ERBB4: variants seen among roughly 807,000 people sequenced by gnomAD.
ERBB4 encodes erb-b2 receptor tyrosine kinase 4, also known as receptor tyrosine-protein kinase erbB-4.
Under a neutral mutation model 158.0 loss-of-function variants are expected in ERBB4, and 42 were observed. That is an observed-to-expected ratio of 0.27 (90% CI 0.21 to 0.34). ERBB4 has a LOEUF of 0.34. Ranked by LOEUF, ERBB4 falls within the 10% of genes least tolerant of loss-of-function variation. ERBB4 has a pLI of 1.00. For synonymous variants in ERBB4, 583 were observed against 558.7 expected, an observed-to-expected ratio of 1.04 and a Z score of -0.61; for missense variants, 1,333 against 1,624.1, an observed-to-expected ratio of 0.82 and a Z score of 3.08.
chr2:212,050,635 G>A (rs75661035), intron 2 of ERBB4, among the ~76,000 whole-genome samples: 5,634 of 152,040 alleles, frequency 0.037, 378 homozygotes, highest in African/African-American at 0.13. Flanking sequence ...AAAAGTAGTC[G>A]GGACTAATCC....
At chr2:211,687,155 G>C (rs1478642674) in intron 12 of ERBB4, among the ~76,000 whole-genome samples, 2 of 147,760 alleles carry the variant, frequency 1.4e-5, no homozygotes, top group Middle Eastern at 3.6e-3. Flanking sequence ...AGTACAAAAA[G>C]TTAGCCAGGC....
intron 2 of ERBB4, among the ~76,000 whole-genome samples, chr2:211,992,073 T>C (rs2082086591): frequency 1.3e-5 from 2 of 152,162 alleles, no homozygotes; most frequent in Non-Finnish European, 2.9e-5. Flanking sequence ...CCTCTGCCTG[T>C]TACCCAGTTC....
At chr2:211,794,640 T>C (rs969892076) in intron 3 of ERBB4, among the ~76,000 whole-genome samples, 13 of 151,922 alleles carry the variant, frequency 8.6e-5, no homozygotes, top group African/African-American at 3.1e-4. Context: ...ATTGAATACA[T>C]TTATTTTGAT....
At position 211,496,755 on chromosome 2, in the gene ERBB4, C is replaced by T. The variant is rs550735056; in HGVS notation, c.2487+65148G>A. On this transcript the variant is annotated intron_variant, in intron 20 of 27. Transcript: ENST00000342788. Reference sequence around the variant, plus strand: ...TTATCTTTGGTGAGCCTCCAATATGCCAGAAATATTTCTGCCTCAGGGCCT... The same window carrying T: ...TTATCTTTGGTGAGCCTCCAATATGTCAGAAATATTTCTGCCTCAGGGCCT... Among the ~76,000 whole-genome samples, 25 of 152,170 alleles carry T rather than the reference C, an allele frequency of 1.6e-4. No individual in the cohort carries two copies. The East Asian group carries it at 3.7e-3, about 22-fold the overall frequency.
chr2:211,590,229 C>T (rs2068419340), intron 19 of ERBB4, among the ~76,000 whole-genome samples: 1 of 152,212 alleles, frequency 6.6e-6, no homozygotes, highest in African/African-American at 2.4e-5. Context: ...TGTCCTTATT[C>T]ATTCCTGAGC....
chr2:212,053,868 C>A (rs2077475182), intron 2 of ERBB4, among the ~76,000 whole-genome samples: 1 of 152,194 alleles, frequency 6.6e-6, no homozygotes, highest in South Asian at 2.1e-4. Context: ...AGGCCTACAT[C>A]ACCCTGCATT....
intron 1 of ERBB4, among the ~76,000 whole-genome samples, chr2:212,446,086 T>C (rs2092342074): frequency 6.6e-6 from 1 of 152,218 alleles, no homozygotes. Flanking sequence ...TTTCCAGTTG[T>C]ATGAAGGATA....
chr2:211,756,526 AG>A (rs1437472242), intron 4 of ERBB4, among the ~76,000 whole-genome samples: 4 of 152,166 alleles, frequency 2.6e-5, no homozygotes, highest in Non-Finnish European at 1.5e-5. Flanking sequence ...TGTATTATGG[AG>A]TTTAATGGGT....
At chr2:211,618,260 A>G (rs891766298) in intron 19 of ERBB4, among the ~76,000 whole-genome samples, 2 of 152,062 alleles carry the variant, frequency 1.3e-5, no homozygotes, top group African/African-American at 4.8e-5. Context: ...ACCATAATAA[A>G]ATAAAACAGT....
chr2:212,286,767 A>ATTTATTTTTTTTTTT (rs2085994861), intron 1 of ERBB4, among the ~76,000 whole-genome samples: 1 of 39,562 alleles, frequency 2.5e-5, no homozygotes, highest in African/African-American at 1.1e-4. Context: ...ATGAGGGTTA[A>ATTTATTTTTTTTTTT]TTTTTTTTTT....
In ERBB4 at chr2:211,677,572, T is replaced by A. The variant is rs956936652; in HGVS notation, c.1622+1480A>T. Among the ~76,000 whole-genome samples the A allele has an allele frequency of 2.2e-3, 274 of 123,404 alleles. 1 individual carries two copies. Among genetic ancestry groups the A allele is most frequent in the African/African-American group, 7.9e-3 (253 of 31,990 alleles). 81.0% of individuals were successfully genotyped at this position (123,404 alleles called of 152,430 possible). On this transcript the variant is annotated intron_variant, in intron 13 of 27. Transcript: ENST00000342788. ...GAGCAAAACTTAGACTCAAAAAAAA[T>A]AAATTAAAAAAAAAAAAAGAGGCCA...
At chr2:212,025,942 A>G (rs2125337446) in intron 2 of ERBB4, among the ~76,000 whole-genome samples, 1 of 151,890 alleles carries the variant, frequency 6.6e-6, no homozygotes. Context: ...ACTTCTCTGA[A>G]GCTTAACCTG....
intron 1 of ERBB4, among the ~76,000 whole-genome samples, chr2:212,157,941 A>G (rs1030936629): frequency 6.6e-6 from 1 of 152,066 alleles, no homozygotes; most frequent in Admixed American, 6.6e-5. Context: ...AAATACACAA[A>G]TCTGATTCTG....
chr2:211,899,656 A>G (rs2079183586), intron 3 of ERBB4, among the ~76,000 whole-genome samples: 1 of 152,146 alleles, frequency 6.6e-6, no homozygotes, highest in South Asian at 2.1e-4. Context: ...TTTACAGGTT[A>G]TAGAATAAAT....
chr2:212,367,026 G>A (rs1179056182), intron 1 of ERBB4, among the ~76,000 whole-genome samples: 10 of 151,908 alleles, frequency 6.6e-5, no homozygotes, highest in Non-Finnish European at 8.8e-5. Flanking sequence ...TCAGAAGAGT[G>A]AGGCCTTAAT....
At chr2:211,677,305 C>G (rs1436943791) in intron 13 of ERBB4, among the ~76,000 whole-genome samples, 1 of 152,128 alleles carries the variant, frequency 6.6e-6, no homozygotes, top group Non-Finnish European at 1.5e-5. Flanking sequence ...TGGCTCATAC[C>G]TGTAATCCCA....
chr2:211,393,206 T>C (rs1166284716), intron 25 of ERBB4, among the ~76,000 whole-genome samples: 1 of 152,188 alleles, frequency 6.6e-6, no homozygotes, highest in East Asian at 1.9e-4. Flanking sequence ...ACATGATAAC[T>C]CTTAGGGAAA....
At chr2:211,861,658 G>C (rs12991661) in intron 3 of ERBB4, among the ~76,000 whole-genome samples, 1 of 151,750 alleles carries the variant, frequency 6.6e-6, no homozygotes, top group Non-Finnish European at 1.5e-5. Flanking sequence ...GTTCACACAC[G>C]AAGTCTTGGG....
intron 4 of ERBB4, among the ~76,000 whole-genome samples, chr2:211,772,924 C>CACACACACACACATATATAT (rs1181682464): frequency 8.2e-5 from 3 of 36,738 alleles, no homozygotes; most frequent in African/African-American, 4.4e-4. Context: ...CACACACACA[C>CACACACACACACATATATAT]ATATATATAT....
Sources: gnomAD v4.1 joint callset for allele counts (sites outside exome capture counted in the v4.1 genomes callset) on GRCh38, gnomAD v4.1.1 for gene constraint, MANE v1.5 for transcripts, NCBI Gene and HGNC (gene_info 2026-07-23, HGNC 2026-07-21) for gene names.